The following COLGALT2 variants were observed in gnomAD, a reference collection of about 807,000 sequenced individuals.
COLGALT2 encodes the protein collagen beta(1-O)galactosyltransferase 2, also known as procollagen galactosyltransferase 2.
Under a neutral mutation model 73.4 loss-of-function variants are expected in COLGALT2, and 49 were observed. The observed-to-expected ratio is 0.67, with a 90% CI of 0.53 to 0.85. COLGALT2 has a LOEUF of 0.85. Ranked by LOEUF, COLGALT2 falls within the 40% of genes least tolerant of loss-of-function variation. The pLI is 0.00. For missense variants in COLGALT2, 722 were observed against 790.2 expected (o/e 0.91, Z 1.03); for synonymous variants, 295 against 307.6 (o/e 0.96, Z 0.43).
chr1:183,930,165 T>C (rs1332638897), exon 12 of COLGALT2: 1 of 454,870 alleles, frequency 2.2e-6, no homozygotes, highest in Non-Finnish European at 4.4e-6. Context: ...CCTGGAGGAG[T>C]TGATGAACAC....
chr1:184,004,887 C>T (rs866591496), intron 1 of COLGALT2, among the ~76,000 whole-genome samples: 105 of 152,166 alleles, frequency 6.9e-4, no homozygotes, highest in African/African-American at 2.3e-3. Context: ...CTCGAGGGAT[C>T]GGTGGTTTGT....
chr1:183,982,803 T>TA (rs966614993), intron 1 of COLGALT2, among the ~76,000 whole-genome samples: 17 of 151,852 alleles, frequency 1.1e-4, no homozygotes, highest in Non-Finnish European at 1.8e-4. Context: ...CCCCATCTCT[T>TA]AAAAAAAATA....
rs3841432 is a variant in COLGALT2, at chr1:183,938,197, A to AT, written c.*563dup. 7.6e-4 allele frequency: 674 copies of AT among 886,178 alleles called. No homozygotes were observed. The highest frequency in any genetic ancestry group is 1.2e-3 in the Middle Eastern group (2 of 1,738). 54.9% of individuals were successfully genotyped at this position (886,178 alleles called of 1,614,324 possible). On this transcript the variant is annotated 3_prime_UTR_variant, in exon 12 of 12. Coordinates refer to ENST00000361927, the MANE Select transcript of COLGALT2 (RefSeq NM_015101.4). ...CCCCTACTGGATAACAGGGACTAAG[A>AT]TTTTTTTTTTTTAAAAAATCTACTT... is the stretch of plus-strand genomic sequence containing the variant.
chr1:183,958,011 T>A (rs1471252836), intron 6 of COLGALT2, among the ~76,000 whole-genome samples: 1 of 152,082 alleles, frequency 6.6e-6, no homozygotes, highest in Non-Finnish European at 1.5e-5. Flanking sequence ...GCAAGAGTAA[T>A]CTCCTCATGC....
intron 1 of COLGALT2, among the ~76,000 whole-genome samples, chr1:184,010,351 T>A (rs56363890): frequency 0.015 from 2,305 of 152,294 alleles, 58 homozygotes; most frequent in African/African-American, 0.053. Context: ...TAGTTTAGGA[T>A]CTCTGCTACA....
intron 8 of COLGALT2, 74 bp from the exon 9 acceptor site, chr1:183,945,638 T>A: frequency 6.5e-7 from 1 of 1,534,714 alleles, no homozygotes; most frequent in East Asian, 2.3e-5. Context: ...AAAGAGAGAG[T>A]TAGTTCTGCA....
Position 183,945,546 on chromosome 1 carries a change from C to T in COLGALT2, c.1155G>A (p.Gln385=). 1 of 1,614,174 alleles carries T rather than the reference C, an allele frequency of 6.2e-7. No homozygotes were observed. The highest frequency in any genetic ancestry group is 8.5e-7 in the Non-Finnish European group (1 of 1,180,034). The part of the protein sequence containing the change: ...AVDGKALNTS[Q]LKALNIEMLP... ...GCATTTCAATATTCAGTGCCTTCAG[C>T]TGGCTTGTGTTGAGTGCCCTGCATC... Residue 385 remains glutamine, a synonymous_variant, in exon 9 of 12, where the codon CAG becomes CAA. Transcript: ENST00000361927.
rs1476378597 is a variant in COLGALT2 at position 183,944,220 on chromosome 1, T to C, written c.1373A>G (p.Gln458Arg). 6.2e-7 allele frequency: 1 copy of C among 1,613,538 alleles called. No homozygotes were observed. ...KLMKLMDNID[Q>R]AQLDWELIYI... ...CATCAGTTCCCAGTCCAGCTGAGCC[T>C]GGTCAATGTTATCCATCAGCTTCAT... The change falls in exon 10 of 12, where the codon CAG becomes CGG. Residue 458 changes from glutamine (Q) to arginine (R), a missense_variant. By Grantham distance (43) the Gln-to-Arg change is conservative (BLOSUM62 1). Coordinates refer to ENST00000361927, the MANE Select transcript of COLGALT2 (RefSeq NM_015101.4).
chr1:183,953,865 CT>C (rs1670479295), intron 7 of COLGALT2, among the ~76,000 whole-genome samples: 1 of 152,196 alleles, frequency 6.6e-6, no homozygotes, highest in Non-Finnish European at 1.5e-5. Context: ...GAAGGCTGTA[CT>C]CTGGGGACAT....
chr1:184,025,307 GCAGC>G (rs1158783423), intron 1 of COLGALT2, among the ~76,000 whole-genome samples: 1 of 152,218 alleles, frequency 6.6e-6, no homozygotes, highest in Non-Finnish European at 1.5e-5. Context: ...GGGGACAAAG[GCAGC>G]ACTGTTTATG....
At chr1:183,990,561 G>A (rs1671603890) in intron 1 of COLGALT2, among the ~76,000 whole-genome samples, 1 of 152,226 alleles carries the variant, frequency 6.6e-6, no homozygotes, top group East Asian at 1.9e-4. Flanking sequence ...CCAAGTGCCA[G>A]GGAGGAGGGA....
downstream of COLGALT2, among the ~76,000 whole-genome samples, chr1:183,932,367 T>C (rs1669865121): frequency 6.6e-6 from 1 of 152,068 alleles, no homozygotes; most frequent in African/African-American, 2.4e-5. Flanking sequence ...ACAGCACACG[T>C]AGGGAAAGTG....
At chr1:183,997,278 A>C (rs2102835372) in intron 1 of COLGALT2, among the ~76,000 whole-genome samples, 1 of 152,360 alleles carries the variant, frequency 6.6e-6, no homozygotes, top group East Asian at 1.9e-4. Flanking sequence ...TCTTACTATA[A>C]ATTTTACCAT....
intron 6 of COLGALT2, among the ~76,000 whole-genome samples, chr1:183,955,955 C>G (rs1319342664): frequency 6.6e-6 from 1 of 152,168 alleles, no homozygotes; most frequent in Non-Finnish European, 1.5e-5. Context: ...TCTCCAAGGG[C>G]TCCCCCGACA....
chr1:183,958,035 T>C (rs1289362307), intron 6 of COLGALT2, among the ~76,000 whole-genome samples: 2 of 152,158 alleles, frequency 1.3e-5, no homozygotes, highest in African/African-American at 4.8e-5. Flanking sequence ...ATAGACCATT[T>C]AAATCTAACA....
chr1:183,994,362 T>C (rs1439514499), intron 1 of COLGALT2, among the ~76,000 whole-genome samples: 3 of 151,886 alleles, frequency 2.0e-5, no homozygotes, highest in Non-Finnish European at 2.9e-5. Context: ...TACAACATCC[T>C]AGGAAGTAGG....
intron 5 of COLGALT2, among the ~76,000 whole-genome samples, chr1:183,965,958 C>A (rs1670858619): frequency 6.6e-6 from 1 of 152,180 alleles, no homozygotes; most frequent in African/African-American, 2.4e-5. Flanking sequence ...AGAAAAAGAG[C>A]TAACTCCTCA....
At chr1:184,021,578 A>G (rs74131000) in intron 1 of COLGALT2, among the ~76,000 whole-genome samples, 6,574 of 152,184 alleles carry the variant, frequency 0.043, 463 homozygotes, top group African/African-American at 0.15. Flanking sequence ...CAGCCCCTCA[A>G]TTTTGGACTC....
rs1191017614 is a variant in COLGALT2 at position 184,037,137 on chromosome 1, C to A, written c.221G>T (p.Cys74Phe). ...CTTGGGGTAGTCCAGCCGCTCCAGGCAGCCGAGGAAGTGCGGCAGCGTGTG... is the reference window on the plus strand; with the variant it reads ...CTTGGGGTAGTCCAGCCGCTCCAGGAAGCCGAGGAAGTGCGGCAGCGTGTG... Reference protein sequence around the residue: ...AAHTLPHFLGCLERLDYPKSR... With the variant: ...AAHTLPHFLGFLERLDYPKSR... Residue 74 changes from cysteine (C) to phenylalanine (F), a missense_variant, in exon 1 of 12, where the codon TGC becomes TTC. Coordinates refer to ENST00000361927, the MANE Select transcript of COLGALT2 (RefSeq NM_015101.4). 1 of 1,598,976 alleles carries A rather than the reference C, an allele frequency of 6.3e-7. No individual in the cohort carries two copies. The highest frequency in any genetic ancestry group is 1.4e-5 in the African/African-American group (1 of 73,142).
Sources: allele counts gnomAD v4.1 joint callset (sites outside exome capture counted in the v4.1 genomes callset), GRCh38; gene constraint gnomAD v4.1.1; transcripts MANE v1.5; gene names NCBI Gene and HGNC (gene_info 2026-07-23, HGNC 2026-07-21).